Variants in CALN1 observed in about 807,000 individuals in gnomAD.
CALN1 encodes the protein calneuron 1, also known as calcium-binding protein 8.
A neutral mutation model predicts 30.6 loss-of-function variants in CALN1; 17 were observed. That is an observed-to-expected ratio of 0.56 (90% CI 0.38 to 0.83). The LOEUF (loss-of-function observed/expected upper bound fraction) is 0.83, where lower values mean the gene tolerates loss of function less well. Among genes scored for constraint, CALN1 ranks in the 40% least tolerant of loss-of-function variants. The probability of loss-of-function intolerance (pLI) is 0.00; values close to 1 mark genes in which losing one functional copy is unlikely to be tolerated. For synonymous variants in CALN1, 156 were observed against 131.4 expected, an observed-to-expected ratio of 1.19 and a Z score of -1.28; for missense variants, 291 against 354.9, an observed-to-expected ratio of 0.82 and a Z score of 1.45.
intron 6 of CALN1, among the ~76,000 whole-genome samples, chr7:71,802,891 C>A (rs768074264): frequency 6.6e-6 from 1 of 151,900 alleles, no homozygotes; most frequent in Admixed American, 6.6e-5. Flanking sequence ...GGCATGGTGG[C>A]GCATGCCTGT....
chr7:72,216,004 G>A (rs1409268995), intron 3 of CALN1, among the ~76,000 whole-genome samples: 3 of 152,066 alleles, frequency 2.0e-5, no homozygotes, highest in Non-Finnish European at 2.9e-5. Flanking sequence ...CTACTTCCAG[G>A]CCATTCAATT....
chr7:72,499,770 T>C, the CALN1 span, among the ~76,000 whole-genome samples: 6 of 127,140 alleles, frequency 4.7e-5, no homozygotes, highest in African/African-American at 1.8e-4. Context: ...CAAAACTTTC[T>C]TTCTTTCCTT....
chr7:71,800,875 C>T (rs1229286943), intron 6 of CALN1, among the ~76,000 whole-genome samples: 1 of 152,096 alleles, frequency 6.6e-6, no homozygotes, highest in Non-Finnish European at 1.5e-5. Context: ...AATAGGTAAA[C>T]GTGCGCCATG....
chr7:72,180,873 G>A (rs918439205), intron 3 of CALN1, among the ~76,000 whole-genome samples: 31 of 151,850 alleles, frequency 2.0e-4, no homozygotes, highest in Admixed American at 1.8e-3. Flanking sequence ...CAAGAAGGGC[G>A]GATCACCTGA....
chr7:72,221,419 G>GC lies in CALN1; in HGVS notation c.244+57266dup, dbSNP rs574394214. Among the ~76,000 whole-genome samples, 276 of 147,146 alleles carry GC rather than the reference G, an allele frequency of 1.9e-3. 3 individuals carry two copies. Among genetic ancestry groups the GC allele is most frequent in the Middle Eastern group, 0.018 (5 of 278 alleles). On this transcript the variant is annotated intron_variant, in intron 3 of 6. Coordinates refer to ENST00000395275, the MANE Select transcript of CALN1 (RefSeq NM_031468.4). The stretch of plus-strand genomic sequence containing the variant: ...TGCAAGCTCCGCCTCCTGGATTCAA[G>GC]CAACTCTCCTGCCTCAGCCTCCCGA...
chr7:72,408,037 G>C (rs1310283308), intron 1 of CALN1, among the ~76,000 whole-genome samples: 1 of 152,134 alleles, frequency 6.6e-6, no homozygotes, highest in Non-Finnish European at 1.5e-5. Context: ...ATGGCATTTA[G>C]GCGCAGGCAG....
At chr7:71,994,298 G>A (rs928398764) in intron 5 of CALN1, among the ~76,000 whole-genome samples, 1 of 152,102 alleles carries the variant, frequency 6.6e-6, no homozygotes, top group Non-Finnish European at 1.5e-5. Context: ...GATCACCTGA[G>A]GTCAGGAGTT....
At chr7:72,302,013 T>C (rs1053385043) in intron 2 of CALN1, among the ~76,000 whole-genome samples, 4 of 151,892 alleles carry the variant, frequency 2.6e-5, no homozygotes, top group African/African-American at 9.7e-5. Context: ...TTTAATGTAA[T>C]GCTTCAGGGA....
intron 3 of CALN1, among the ~76,000 whole-genome samples, chr7:72,222,302 G>C (rs1406030017): frequency 6.6e-6 from 1 of 152,178 alleles, no homozygotes; most frequent in Non-Finnish European, 1.5e-5. Context: ...AGCCTATACT[G>C]GAAGTGTGAT....
intron 2 of CALN1, among the ~76,000 whole-genome samples, chr7:72,287,970 T>C (rs575878469): frequency 6.6e-6 from 1 of 152,286 alleles, no homozygotes; most frequent in Admixed American, 6.5e-5. Context: ...GGGTTATTTA[T>C]TGGTATATAA....
At chr7:72,180,607 CTT>C (rs150600925) in intron 3 of CALN1, among the ~76,000 whole-genome samples, 12 of 89,986 alleles carry the variant, frequency 1.3e-4, no homozygotes, top group Non-Finnish European at 1.6e-4. Context: ...GCTTTTTTTT[CTT>C]TTTTTTTTTT....
chr7:72,290,266 A>T (rs371730485), intron 2 of CALN1, among the ~76,000 whole-genome samples: 1 of 151,732 alleles, frequency 6.6e-6, no homozygotes, highest in Non-Finnish European at 1.5e-5. Flanking sequence ...AGAAAAGAAG[A>T]CATGAAAACA....
chr7:72,193,827 G>A (rs1272098281), intron 3 of CALN1, among the ~76,000 whole-genome samples: 1 of 152,194 alleles, frequency 6.6e-6, no homozygotes, highest in South Asian at 2.1e-4. Flanking sequence ...GATGGAATTG[G>A]AGACCATTAT....
At chr7:71,965,830 T>C (rs4717622) in intron 5 of CALN1, among the ~76,000 whole-genome samples, 56,487 of 151,958 alleles carry the variant, frequency 0.37, 11,453 homozygotes, top group East Asian at 0.56. Context: ...ATTGAGTGAT[T>C]CCTAAATAAT....
intron 5 of CALN1, among the ~76,000 whole-genome samples, chr7:71,952,839 T>C (rs545848702): frequency 1.3e-5 from 2 of 152,184 alleles, no homozygotes; most frequent in Non-Finnish European, 2.9e-5. Flanking sequence ...AGCTCATCAA[T>C]ACCTGTCCAG....
the CALN1 span, among the ~76,000 whole-genome samples, chr7:72,453,972 G>A: frequency 6.7e-6 from 1 of 150,148 alleles, no homozygotes; most frequent in Admixed American, 6.6e-5. Context: ...AATTTTAGAT[G>A]TAGTGAATTC....
chr7:72,056,383 C>T (rs1315554738), intron 4 of CALN1, among the ~76,000 whole-genome samples: 1 of 151,878 alleles, frequency 6.6e-6, no homozygotes, highest in Non-Finnish European at 1.5e-5. Flanking sequence ...CAGGGCAATT[C>T]AGAAATAAGC....
intron 3 of CALN1, among the ~76,000 whole-genome samples, chr7:72,144,226 A>T (rs1321972260): frequency 5.9e-5 from 9 of 152,170 alleles, no homozygotes; most frequent in Non-Finnish European, 1.3e-4. Flanking sequence ...GTATTCAGGA[A>T]ACCCATCTCA....
At chr7:72,400,890 G>A (rs1383159558) in intron 2 of CALN1, among the ~76,000 whole-genome samples, 6 of 152,136 alleles carry the variant, frequency 3.9e-5, no homozygotes, top group Non-Finnish European at 7.4e-5. Flanking sequence ...ATGGCTCTGG[G>A]AGGTGTGAAA....
Sources: allele counts gnomAD v4.1 joint callset (sites outside exome capture counted in the v4.1 genomes callset), GRCh38; gene constraint gnomAD v4.1.1; transcripts MANE v1.5; gene names NCBI Gene and HGNC (gene_info 2026-07-23, HGNC 2026-07-21).